Variants in VPS13D observed in about 807,000 individuals in gnomAD.
VPS13D encodes intermembrane lipid transfer protein VPS13D.
In VPS13D, 187 loss-of-function variants were observed where a neutral mutation model predicts 461.9. The ratio of observed to expected loss-of-function variants is 0.40; its 90% CI spans 0.36 to 0.46. The LOEUF (loss-of-function observed/expected upper bound fraction) is 0.46, where lower values mean the gene tolerates loss of function less well. VPS13D is among the 20% of genes least tolerant of loss of function. The pLI is 0.60. For missense variants in VPS13D, 4,711 were observed against 5,364.9 expected (o/e 0.88, Z 3.81); for synonymous variants, 1,951 against 1,986.3 (o/e 0.98, Z 0.47).
chr1:12,352,743 C>T (rs1643823289), intron 46 of VPS13D, among the ~76,000 whole-genome samples: 1 of 151,854 alleles, frequency 6.6e-6, no homozygotes, highest in Non-Finnish European at 1.5e-5. Flanking sequence ...GGTGGGGGAT[C>T]ACCTGAAGTC....
chr1:12,312,540 T>A (rs4634918), intron 29 of VPS13D, among the ~76,000 whole-genome samples: 1 of 152,034 alleles, frequency 6.6e-6, no homozygotes, highest in African/African-American at 2.4e-5. Context: ...GGAGGATTGC[T>A]TGAGGCCAGG....
intron 6 of VPS13D, among the ~76,000 whole-genome samples, chr1:12,250,620 C>A (rs1020095243): frequency 6.6e-6 from 1 of 152,192 alleles, no homozygotes; most frequent in African/African-American, 2.4e-5. Flanking sequence ...ATATGGCAGG[C>A]ACTGTTCTTA....
intron 31 of VPS13D, among the ~76,000 whole-genome samples, chr1:12,319,037 C>G (rs1476375842): frequency 6.6e-6 from 1 of 152,152 alleles, no homozygotes; most frequent in African/African-American, 2.4e-5. Context: ...TTTCAAAAAT[C>G]TCGATATTAA....
At chr1:12,237,357 G>A (rs1019568947) in intron 2 of VPS13D, among the ~76,000 whole-genome samples, 14 of 148,972 alleles carry the variant, frequency 9.4e-5, no homozygotes, top group Non-Finnish European at 1.9e-4. Flanking sequence ...GCTGGGTATG[G>A]TGGCGCATGC....
intron 35 of VPS13D, among the ~76,000 whole-genome samples, chr1:12,325,381 T>G (rs1643154130): frequency 6.6e-6 from 1 of 152,178 alleles, no homozygotes. Flanking sequence ...TGCCTCAGCC[T>G]TCTGAGTAGC....
intron 55 of VPS13D, among the ~76,000 whole-genome samples, chr1:12,376,182 A>T (rs1644196450): frequency 6.6e-6 from 1 of 152,222 alleles, no homozygotes; most frequent in Non-Finnish European, 1.5e-5. Flanking sequence ...GTGAACAGAG[A>T]AGCAAGCATG....
In VPS13D at chr1:12,261,098, GAGGGACTGTC is replaced by G; in HGVS notation, c.1366_1375del (p.Gly456GlnfsTer28). 1 of 1,614,194 alleles carries G rather than the reference GAGGGACTGTC, an allele frequency of 6.2e-7. No homozygotes were observed. The highest frequency in any genetic ancestry group is 1.3e-5 in the African/African-American group (1 of 75,046). ...GCAGACCCCAGAAGGGAATGTGGTT[GAGGGACTGTC>G]AGCAGAGCAACAGGAGCAGTGGATT... is the stretch of plus-strand genomic sequence containing the variant. On this transcript the variant is annotated frameshift_variant, in exon 12 of 70. Transcript: ENST00000620676. LOFTEE classifies it high-confidence loss of function.
chr1:12,342,968 T>C lies in VPS13D; in HGVS notation c.8802T>C (p.Thr2934=), dbSNP rs996080933. 4 of 1,613,964 alleles carry C rather than the reference T, an allele frequency of 2.5e-6. No individual in the cohort carries two copies. The highest frequency in any genetic ancestry group is 1.3e-5 in the African/African-American group (1 of 75,058). Residue 2934 remains threonine (T), a synonymous_variant, in exon 42 of 70, where the codon ACT becomes ACC. Coordinates refer to ENST00000620676, the MANE Select transcript of VPS13D (RefSeq NM_015378.4). Reference sequence around the variant, plus strand: ...GGAACGGAACATTTCTCGATGATACTCACAATGTTAGTGAATGGCGAGAAG... The same window carrying C: ...GGAACGGAACATTTCTCGATGATACCCACAATGTTAGTGAATGGCGAGAAG... The part of the protein sequence containing the change: ...PEGNGTFLDD[T]HNVSEWREVL...
At chr1:12,287,258 C>T (rs950203269) in intron 21 of VPS13D, among the ~76,000 whole-genome samples, 15 of 152,150 alleles carry the variant, frequency 9.9e-5, no homozygotes, top group African/African-American at 2.9e-4. Context: ...AACTGGAGTT[C>T]CCCCCACAAA....
chr1:12,341,916 A>G (rs1330841342), intron 41 of VPS13D, 31 bp downstream of exon 41: 2 of 1,606,476 alleles, frequency 1.2e-6, no homozygotes, highest in East Asian at 2.2e-5. Flanking sequence ...ACCCCGAGTC[A>G]TCTCTGCCAC....
chr1:12,260,364 C>T (rs778165069), intron 10 of VPS13D, among the ~76,000 whole-genome samples: 52 of 152,224 alleles, frequency 3.4e-4, no homozygotes, highest in Non-Finnish European at 6.2e-4. Context: ...TGCTGTTCTT[C>T]GCTCCCTCTC....
chr1:12,363,555 T>G lies in VPS13D; in HGVS notation c.10448+308T>G, dbSNP rs185949778. The stretch of plus-strand genomic sequence containing the variant: ...ATGGTAACGCTCATTATAAATATTT[T>G]TGTATATTCTGACATATTTATACAA... On this transcript the variant is annotated intron_variant, in intron 52 of 69. Transcript: ENST00000620676. 2.6e-3 allele frequency among the ~76,000 whole-genome samples: 390 copies of G among 152,336 alleles called. 4 individuals are homozygous for G. The highest frequency in any genetic ancestry group is 7.7e-4 in the East Asian group (4 of 5,190).
chr1:12,322,555 A>C lies in VPS13D; in HGVS notation c.7724A>C (p.Asp2575Ala). Residue 2575 changes from aspartate (D) to alanine (A), a missense_variant, in exon 34 of 70, where the codon GAT becomes GCT. This residue lies in a region of VPS13D where 4,411 missense variants were observed against 4,937.8 expected (regional missense o/e 0.89). Coordinates refer to ENST00000620676, the MANE Select transcript of VPS13D (RefSeq NM_015378.4). ...TGTTAGATTCAGTTACAAGCCCTGG[A>C]TATCAGACTCTCCTATAATGATGTT... ...PVLEIQLQAL[D>A]IRLSYNDVQL... is the part of the protein sequence containing the mutation. 6.2e-7 allele frequency: 1 copy of C among 1,614,178 alleles called. No homozygotes were observed. Among genetic ancestry groups the C allele is most frequent in the Non-Finnish European group, 8.5e-7 (1 of 1,180,006 alleles).
intron 63 of VPS13D, among the ~76,000 whole-genome samples, chr1:12,410,688 A>G (rs769164049): frequency 6.6e-6 from 1 of 152,234 alleles, no homozygotes; most frequent in Non-Finnish European, 1.5e-5. Context: ...GGAAAATTAT[A>G]GACCAGCACT....
In VPS13D at chr1:12,282,987, G is replaced by C. The variant is rs1344997892; in HGVS notation, c.4885G>C (p.Val1629Leu). ...QATFCISELQVQLSGDLTLGA... is the reference protein window; with the variant it reads ...QATFCISELQLQLSGDLTLGA... ...CACCTTTTGTATATCAGAGCTTCAG[G>C]TTCAGCTAAGTGGAGATCTGACTTT... The change falls in exon 21 of 70, where the codon GTT becomes CTT. Residue 1629 changes from valine (V) to leucine (L), a missense_variant. Coordinates refer to ENST00000620676, the MANE Select transcript of VPS13D (RefSeq NM_015378.4). The C allele has an allele frequency of 4.3e-6, 7 of 1,614,020 alleles. No homozygotes were observed. Among genetic ancestry groups the C allele is most frequent in the Non-Finnish European group, 5.9e-6 (7 of 1,180,032 alleles).
At chr1:12,253,683 A>G in intron 6 of VPS13D, 39 bp from the exon 7 acceptor site, 1 of 1,461,850 alleles carries the variant, frequency 6.8e-7, no homozygotes, top group African/African-American at 1.4e-5. Flanking sequence ...ACGAATAAAG[A>G]CAGTCATCCT....
intron 60 of VPS13D, among the ~76,000 whole-genome samples, chr1:12,399,488 C>T (rs1487063886): frequency 3.3e-5 from 5 of 152,034 alleles, no homozygotes; most frequent in Non-Finnish European, 7.4e-5. Context: ...AGCCACTGCG[C>T]CTGGCCAGTA....
intron 65 of VPS13D, among the ~76,000 whole-genome samples, chr1:12,435,177 G>A (rs556857852): frequency 1.6e-3 from 250 of 152,136 alleles, no homozygotes; most frequent in African/African-American, 5.8e-3. Context: ...TTTGAATTTA[G>A]TAACTGAATG....
intron 68 of VPS13D, among the ~76,000 whole-genome samples, chr1:12,503,332 C>T (rs1267829122): frequency 6.6e-6 from 1 of 151,848 alleles, no homozygotes; most frequent in Non-Finnish European, 1.5e-5. Context: ...GGAGTTAAAA[C>T]TTTTTTCTTT....
Sources: allele counts gnomAD v4.1 joint callset (sites outside exome capture counted in the v4.1 genomes callset), GRCh38; gene constraint gnomAD v4.1.1; regional missense constraint gnomAD v4.1.1; transcripts MANE v1.5; gene names NCBI Gene and HGNC (gene_info 2026-07-23, HGNC 2026-07-21).